Variants in LCOR observed in about 807,000 individuals in gnomAD.
LCOR encodes ligand-dependent corepressor.
In LCOR, 14 loss-of-function variants were observed where a neutral mutation model predicts 64.4. That is an observed-to-expected ratio of 0.22 (90% CI 0.14 to 0.34). The LOEUF (loss-of-function observed/expected upper bound fraction) is 0.34, where lower values mean the gene tolerates loss of function less well. Ranked by LOEUF, LCOR falls within the 10% of genes least tolerant of loss-of-function variation. The probability of loss-of-function intolerance (pLI) is 1.00; values close to 1 mark genes in which losing one functional copy is unlikely to be tolerated. For missense variants in LCOR, 1,686 were observed against 1,765.3 expected (o/e 0.96, Z 0.80); for synonymous variants, 643 against 642.5 (o/e 1.00, Z -0.01).
chr10:96,983,884 T>G lies in LCOR; in HGVS notation c.3424T>G (p.Ser1142Ala), dbSNP rs1277909714. The G allele has an allele frequency of 6.2e-7, 1 of 1,613,896 alleles. No individual in the cohort carries two copies. Among genetic ancestry groups the G allele is most frequent in the Admixed American group, 1.7e-5 (1 of 59,984 alleles). Reference sequence around the variant, plus strand: ...GCCAACACCAAGAGCAAGGAACAAATCAGATAAACTGAAAGAGATTTGGAA... The same window carrying G: ...GCCAACACCAAGAGCAAGGAACAAAGCAGATAAACTGAAAGAGATTTGGAA... ...GQPTPRARNK[S>A]DKLKEIWKSK... is the part of the protein sequence containing the mutation. The change falls in exon 8 of 8, where the codon TCA becomes GCA. Residue 1142 changes from serine (S) to alanine (A), a missense_variant. Around this residue, in one of 3 missense-constraint regions of LCOR, gnomAD observed 1,293 missense variants for 1,410.4 expected, o/e 0.92. Coordinates refer to ENST00000421806, the MANE Select transcript of LCOR (RefSeq NM_001346516.2). The surrounding 1 kb of genome is among the most constrained non-coding windows in gnomAD (Gnocchi z 4.5).
Position 96,985,402 on chromosome 10 carries a change from C to T in LCOR, c.*268C>T. The T allele has an allele frequency of 2.9e-6, 1 of 341,578 alleles. No homozygotes were observed. The highest frequency in any genetic ancestry group is 5.2e-5 in the East Asian group (1 of 19,260). The allele number at this position is 341,578 out of a possible 1,614,324, so 21.2% of individuals were successfully genotyped here. A position where few individuals can be genotyped will look rare whatever the true frequency, so the allele number is the denominator to read the frequency against. ...CAAGCAGTTTTCGTTTTTAAAAGTA[C>T]AGTGCCTTATTTATCCTTTTTGTTT... On this transcript the variant is annotated 3_prime_UTR_variant, in exon 8 of 8. Coordinates refer to ENST00000421806, the MANE Select transcript of LCOR (RefSeq NM_001346516.2).
In LCOR at chr10:96,983,629, G is replaced by A; in HGVS notation, c.3169G>A (p.Val1057Met). The stretch of plus-strand genomic sequence containing the variant: ...TCTGGGCTCCTTGGATGCTTCAAAA[G>A]TGACTTCAGAAAAGGAAGCTGCACA... ...HSLGSLDASKVTSEKEAAQVN... is the reference protein window; with the variant it reads ...HSLGSLDASKMTSEKEAAQVN... The change falls in exon 8 of 8, where the codon GTG (valine) becomes ATG (methionine). Residue 1057 changes from valine (V) to methionine (M), a missense_variant. By Grantham distance (21) the Val-to-Met change is conservative. Transcript: ENST00000421806. The surrounding 1 kb of genome is among the most constrained non-coding windows in gnomAD (Gnocchi z 4.5). The A allele has an allele frequency of 1.2e-6, 2 of 1,614,178 alleles. No individual in the cohort carries two copies. Among genetic ancestry groups the A allele is most frequent in the Non-Finnish European group, 1.7e-6 (2 of 1,180,032 alleles).
intron 2 of LCOR, among the ~76,000 whole-genome samples, chr10:96,899,375 A>G (rs1344396187): frequency 6.6e-6 from 1 of 152,150 alleles, no homozygotes; most frequent in Non-Finnish European, 1.5e-5. Context: ...CACACTGCTG[A>G]GCTCTATGTA....
intron 2 of LCOR, among the ~76,000 whole-genome samples, chr10:96,902,530 T>C (rs1285206788): frequency 6.6e-6 from 1 of 152,260 alleles, no homozygotes; most frequent in East Asian, 1.9e-4. Context: ...CTGAGATAGT[T>C]GGAATGTCAA....
intron 2 of LCOR, among the ~76,000 whole-genome samples, chr10:96,856,554 A>G (rs1845808181): frequency 6.8e-6 from 1 of 147,006 alleles, no homozygotes; most frequent in South Asian, 2.1e-4. Flanking sequence ...CCACTCTGAC[A>G]GGGTCTTGCT....
rs1249469151 is a variant in LCOR, at chr10:96,984,661, A to G, written c.4201A>G (p.Arg1401Gly). Residue 1401 changes from arginine to glycine, a missense_variant, in exon 8 of 8, where the codon AGA becomes GGA. Physicochemically the swap from Arg to Gly is moderately radical, Grantham distance 125 (BLOSUM62 -2). Around this residue, in one of 3 missense-constraint regions of LCOR, gnomAD observed 1,293 missense variants for 1,410.4 expected, o/e 0.92. Coordinates refer to ENST00000421806, the MANE Select transcript of LCOR (RefSeq NM_001346516.2). ...PKAEVQSKRK[R>G]TEGSSPPDSK... ...AGCAGAAGTTCAGAGTAAACGCAAG[A>G]GAACAGAAGGCAGCAGCCCTCCAGA... The G allele has an allele frequency of 6.2e-7, 1 of 1,614,202 alleles. No individual in the cohort carries two copies. Among genetic ancestry groups the G allele is most frequent in the East Asian group, 2.2e-5 (1 of 44,880 alleles).
At chr10:96,924,682 G>A (rs570062567) in intron 4 of LCOR, among the ~76,000 whole-genome samples, 2 of 151,456 alleles carry the variant, frequency 1.3e-5, no homozygotes, top group South Asian at 4.2e-4. Flanking sequence ...AGTCATTTTT[G>A]TTCTTTGTCA....
intron 2 of LCOR, among the ~76,000 whole-genome samples, chr10:96,858,916 C>T (rs1845845250): frequency 6.6e-6 from 1 of 152,208 alleles, no homozygotes; most frequent in African/African-American, 2.4e-5. Context: ...ACTGGCTCTC[C>T]CTGTCCTTTG....
intron 5 of LCOR, among the ~76,000 whole-genome samples, chr10:96,947,872 A>G (rs1036071019): frequency 6.6e-6 from 1 of 151,966 alleles, no homozygotes; most frequent in Non-Finnish European, 1.5e-5. Flanking sequence ...CCCTCATTTT[A>G]TTTTTTTAAA....
intron 2 of LCOR, among the ~76,000 whole-genome samples, chr10:96,879,923 A>G (rs1846233774): frequency 6.6e-6 from 1 of 152,202 alleles, no homozygotes; most frequent in African/African-American, 2.4e-5. Context: ...TCGGCCTCCC[A>G]AAGTGCTGGG....
At chr10:96,887,806 G>A (rs1288340967) in intron 2 of LCOR, among the ~76,000 whole-genome samples, 11 of 150,724 alleles carry the variant, frequency 7.3e-5, no homozygotes, top group Admixed American at 5.3e-4. Flanking sequence ...TCAGCCTCCC[G>A]AGTAGCTGTG....
chr10:96,956,411 CGAA>C, intron 7 of LCOR: 4 of 985,110 alleles, frequency 4.1e-6, no homozygotes, highest in Non-Finnish European at 4.8e-6. Flanking sequence ...TTCAACTAAT[CGAA>C]GGATTAAACT....
chr10:96,879,677 C>T (rs12258469), intron 2 of LCOR, among the ~76,000 whole-genome samples: 21,813 of 151,692 alleles, frequency 0.14, 2,184 homozygotes, highest in African/African-American at 0.28. Context: ...GTTTTTTTTG[C>T]GACAGACTCT....
At chr10:96,974,832 C>G (rs978147163) in intron 7 of LCOR, among the ~76,000 whole-genome samples, 1 of 152,144 alleles carries the variant, frequency 6.6e-6, no homozygotes, top group African/African-American at 2.4e-5. Flanking sequence ...AGTTGAGATT[C>G]ATTTTTAAAA....
chr10:96,917,147 G>A (rs1846966099), intron 4 of LCOR, among the ~76,000 whole-genome samples: 1 of 152,168 alleles, frequency 6.6e-6, no homozygotes, highest in African/African-American at 2.4e-5. Flanking sequence ...AGTTCGTAGA[G>A]TTGTTTGCAA....
intron 2 of LCOR, among the ~76,000 whole-genome samples, chr10:96,875,642 G>C (rs1415861055): frequency 6.6e-6 from 1 of 152,034 alleles, no homozygotes; most frequent in African/African-American, 2.4e-5. Flanking sequence ...TGGGCCAGTC[G>C]TTTGAGCTCA....
At chr10:96,848,456 G>A (rs1205354091) in intron 2 of LCOR, among the ~76,000 whole-genome samples, 1 of 152,112 alleles carries the variant, frequency 6.6e-6, no homozygotes, top group Non-Finnish European at 1.5e-5. Flanking sequence ...TCAGGAGTTG[G>A]AGACCAGCCT....
chr10:96,963,386 C>T (rs1847911345), intron 7 of LCOR: 1 of 152,188 alleles, frequency 6.6e-6, no homozygotes, highest in Non-Finnish European at 1.5e-5. Context: ...CTTGATGTGG[C>T]TCTTGCTTCT....
At chr10:96,922,255 C>G (rs912804046) in intron 4 of LCOR, among the ~76,000 whole-genome samples, 1 of 151,244 alleles carries the variant, frequency 6.6e-6, no homozygotes, top group African/African-American at 2.4e-5. Flanking sequence ...CTATATATTT[C>G]GTTCTTCCTA....
Sources: allele counts gnomAD v4.1 joint callset (sites outside exome capture counted in the v4.1 genomes callset), GRCh38; gene constraint gnomAD v4.1.1; regional missense constraint gnomAD v4.1.1; non-coding constraint Gnocchi (gnomAD v3.1); transcripts MANE v1.5; gene names NCBI Gene and HGNC (gene_info 2026-07-23, HGNC 2026-07-21).